The following EPB41 variants were observed in gnomAD, a reference collection of about 807,000 sequenced individuals.
EPB41 encodes erythrocyte membrane protein band 4.1.
In EPB41, 65 loss-of-function variants were observed where a neutral mutation model predicts 108.0. The ratio of observed to expected loss-of-function variants is 0.60; its 90% CI spans 0.49 to 0.74. The LOEUF (loss-of-function observed/expected upper bound fraction) is 0.74, where lower values mean the gene tolerates loss of function less well. EPB41 is among the 30% of genes least tolerant of loss of function. The pLI is 0.00. For missense variants in EPB41, 875 were observed against 1,037.0 expected (o/e 0.84, Z 2.15); for synonymous variants, 336 against 358.9 (o/e 0.94, Z 0.72).
intron 1 of EPB41, among the ~76,000 whole-genome samples, chr1:28,916,122 T>C (rs1034193497): frequency 3.3e-5 from 5 of 152,122 alleles, no homozygotes; most frequent in African/African-American, 9.7e-5. Flanking sequence ...TGGTTTGGGG[T>C]GTTATTAATA....
intron 1 of EPB41, among the ~76,000 whole-genome samples, chr1:28,902,671 T>A (rs1432062479): frequency 1.3e-5 from 2 of 152,158 alleles, no homozygotes; most frequent in Non-Finnish European, 2.9e-5. Flanking sequence ...GGGGGGTTCG[T>A]CACACCTTCA....
chr1:28,959,146 G>A (rs1053135605), intron 1 of EPB41, among the ~76,000 whole-genome samples: 1 of 151,856 alleles, frequency 6.6e-6, no homozygotes, highest in African/African-American at 2.4e-5. Context: ...CAGCCAAGCT[G>A]GGGTGCTATG....
chr1:28,944,534 G>GTTTTTTT (rs55849161), intron 1 of EPB41, among the ~76,000 whole-genome samples: 11 of 97,420 alleles, frequency 1.1e-4, no homozygotes, highest in Non-Finnish European at 1.8e-4. Flanking sequence ...CTCAGATCTG[G>GTTTTTTT]TTTTTTTTTT....
At chr1:29,033,028 G>C in intron 8 of EPB41, 65 bp from the exon 9 acceptor site, 1 of 1,467,782 alleles carries the variant, frequency 6.8e-7, no homozygotes, top group African/African-American at 1.4e-5. Context: ...AGATTATCTA[G>C]TAATAGTCAA....
At chr1:29,087,156 T>C (rs1420423016) in intron 16 of EPB41, among the ~76,000 whole-genome samples, 2 of 152,044 alleles carry the variant, frequency 1.3e-5, no homozygotes, top group African/African-American at 4.8e-5. Flanking sequence ...TTAGCCAGGA[T>C]GGTCTCCATC....
At chr1:28,950,584 G>A (rs941089166) in intron 1 of EPB41, among the ~76,000 whole-genome samples, 1 of 152,210 alleles carries the variant, frequency 6.6e-6, no homozygotes, top group Non-Finnish European at 1.5e-5. Flanking sequence ...TCTGAAGGGA[G>A]CAGGAGAAAG....
chr1:28,941,034 A>C (rs775410745), intron 1 of EPB41, among the ~76,000 whole-genome samples: 3 of 152,158 alleles, frequency 2.0e-5, no homozygotes, highest in Non-Finnish European at 4.4e-5. Flanking sequence ...AACATATTTC[A>C]CAGTATTAAA....
At chr1:29,077,445 AGC>A (rs1340211761) in intron 16 of EPB41, among the ~76,000 whole-genome samples, 1 of 152,188 alleles carries the variant, frequency 6.6e-6, no homozygotes, top group African/African-American at 2.4e-5. Flanking sequence ...GGTAATAATG[AGC>A]TATTCTCACT....
At chr1:29,113,329 T>A (rs1165586193) in intron 19 of EPB41, among the ~76,000 whole-genome samples, 1 of 152,240 alleles carries the variant, frequency 6.6e-6, no homozygotes, top group Non-Finnish European at 1.5e-5. Flanking sequence ...GGCCTTTTTA[T>A]GCTGATATGC....
intron 1 of EPB41, among the ~76,000 whole-genome samples, chr1:28,941,800 G>C (rs750642724): frequency 3.0e-4 from 46 of 151,702 alleles, no homozygotes; most frequent in Admixed American, 6.6e-4. Flanking sequence ...AAGCTGAGGT[G>C]GGAGAATCGC....
At chr1:28,956,132 C>G (rs974542137) in intron 1 of EPB41, among the ~76,000 whole-genome samples, 1 of 152,174 alleles carries the variant, frequency 6.6e-6, no homozygotes, top group East Asian at 1.9e-4. Context: ...ATGTAAAGTA[C>G]TCTCATTTAG....
At chr1:28,947,408 G>A (rs1161805269) in intron 1 of EPB41, among the ~76,000 whole-genome samples, 1 of 149,626 alleles carries the variant, frequency 6.7e-6, no homozygotes, top group African/African-American at 2.5e-5. Flanking sequence ...CTCCGTCTCA[G>A]ACAAACAAAC....
At chr1:28,950,245 A>G (rs1347165476) in intron 1 of EPB41, among the ~76,000 whole-genome samples, 1 of 152,238 alleles carries the variant, frequency 6.6e-6, no homozygotes, top group Non-Finnish European at 1.5e-5. Context: ...AATAATCAGA[A>G]CAACCTGTAA....
intron 18 of EPB41, among the ~76,000 whole-genome samples, chr1:29,111,902 G>A (rs1239006400): frequency 1.4e-5 from 2 of 147,984 alleles, no homozygotes; most frequent in East Asian, 2.0e-4. Flanking sequence ...GCTTGAACCC[G>A]GGAGGCAGAG....
chr1:28,923,033 G>A (rs1331162426), intron 1 of EPB41, among the ~76,000 whole-genome samples: 5 of 150,774 alleles, frequency 3.3e-5, no homozygotes, highest in Non-Finnish European at 5.9e-5. Flanking sequence ...CAGCCGTGAT[G>A]CACTGTTTGA....
At chr1:29,001,287 G>T (rs779036658) in intron 4 of EPB41, among the ~76,000 whole-genome samples, 3 of 152,092 alleles carry the variant, frequency 2.0e-5, no homozygotes, top group Non-Finnish European at 4.4e-5. Flanking sequence ...CCGAGGTCAC[G>T]CCATTGCACT....
chr1:28,928,250 T>C (rs1288185795), intron 1 of EPB41, among the ~76,000 whole-genome samples: 3 of 152,128 alleles, frequency 2.0e-5, no homozygotes, highest in South Asian at 4.1e-4. Context: ...GCCATCTTTA[T>C]TTCTGCTACT....
intron 17 of EPB41, among the ~76,000 whole-genome samples, chr1:29,101,815 C>T (rs947752166): frequency 1.3e-5 from 2 of 151,952 alleles, no homozygotes; most frequent in South Asian, 2.1e-4. Flanking sequence ...GCGGAGGCTC[C>T]CTTGAGCCCA....
At chr1:29,000,459 A>G (rs1442271925) in intron 4 of EPB41, among the ~76,000 whole-genome samples, 1 of 152,238 alleles carries the variant, frequency 6.6e-6, no homozygotes, top group African/African-American at 2.4e-5. Flanking sequence ...CTATATATTT[A>G]TGTGTAAAGT....
Sources: gnomAD v4.1 joint callset for allele counts (sites outside exome capture counted in the v4.1 genomes callset) on GRCh38, gnomAD v4.1.1 for gene constraint, MANE v1.5 for transcripts, NCBI Gene and HGNC (gene_info 2026-07-23, HGNC 2026-07-21) for gene names.